Variants in HYDIN observed in about 807,000 individuals in gnomAD.
HYDIN encodes axonemal central pair apparatus protein HYDIN.
A neutral mutation model predicts 403.9 loss-of-function variants in HYDIN; 132 were observed. The observed-to-expected ratio is 0.33, with a 90% CI of 0.28 to 0.38. HYDIN has a LOEUF of 0.38. HYDIN is among the 10% of genes least tolerant of loss of function. The pLI is 1.00. For missense variants in HYDIN, 2,827 were observed against 5,009.5 expected (o/e 0.56, Z 13.15); for synonymous variants, 1,202 against 1,891.7 (o/e 0.64, Z 9.46).
rs974774499 is a variant in HYDIN, at chr16:70,803,837, C to T, written c.*3743G>A. On this transcript the variant is annotated 3_prime_UTR_variant, in exon 86 of 86. Transcript: ENST00000393567. ...AAGTGGTTAGACTTAGCATGCCACA[C>T]TCACTGGGGGCCCAGTGTGGAACGA... Among the ~76,000 whole-genome samples, 3 of 152,212 alleles carry T rather than the reference C, an allele frequency of 2.0e-5. No homozygotes were observed. The highest frequency in any genetic ancestry group is 6.5e-5 in the Admixed American group (1 of 15,288).
At chr16:70,888,989 TG>T (rs2041318713) in intron 58 of HYDIN, among the ~76,000 whole-genome samples, 1 of 152,118 alleles carries the variant, frequency 6.6e-6, no homozygotes, top group African/African-American at 2.4e-5. Context: ...AGTAGGCTTC[TG>T]TTGGGGCTTT....
At chr16:70,808,092 C>A (rs746160071) in intron 85 of HYDIN, 30 bp from the exon 86 acceptor site, 6 of 1,571,662 alleles carry the variant, frequency 3.8e-6, no homozygotes, top group African/African-American at 2.7e-5. Flanking sequence ...ACTCAGCTCA[C>A]GTGAGATCCT....
rs1044949065 is a variant in HYDIN at position 70,969,756 on chromosome 16, A to G, written c.5619+764T>C. ...TTTTCTCTTTCCTCTGGGGTCTTCA[A>G]ATGTATGTTTGACAGTTGAAACAAT... On this transcript the variant is annotated intron_variant, in intron 36 of 85. Coordinates refer to ENST00000393567, the MANE Select transcript of HYDIN (RefSeq NM_001270974.2). Among the ~76,000 whole-genome samples, 16 of 151,952 alleles carry G rather than the reference A, an allele frequency of 1.1e-4. 1 individual carries two copies. The highest frequency in any genetic ancestry group is 3.6e-4 in the African/African-American group (15 of 41,374).
intron 1 of HYDIN, among the ~76,000 whole-genome samples, chr16:71,219,984 G>A (rs778034602): frequency 5.6e-4 from 86 of 152,258 alleles, no homozygotes; most frequent in Admixed American, 1.6e-3. Context: ...GGTCCATTGC[G>A]TTCTGAAATG....
intron 85 of HYDIN, 89 bp downstream of exon 85, chr16:70,809,694 A>T: frequency 9.5e-7 from 1 of 1,048,724 alleles, no homozygotes; most frequent in Non-Finnish European, 1.5e-6. Context: ...TCTGAGTCTC[A>T]CATTCATGCT....
At position 70,804,028 on chromosome 16, in the gene HYDIN, G is replaced by T. The variant is rs547653192; in HGVS notation, c.*3552C>A. 6.6e-6 allele frequency among the ~76,000 whole-genome samples: 1 copy of T among 152,330 alleles called. No homozygotes were observed. Among genetic ancestry groups the T allele is most frequent in the African/African-American group, 2.4e-5 (1 of 41,580 alleles). On this transcript the variant is annotated 3_prime_UTR_variant, in exon 86 of 86. Coordinates refer to ENST00000393567, the MANE Select transcript of HYDIN (RefSeq NM_001270974.2). ...ACTTCCACAAGCATGTGTTGGAAGG[G>T]TTATTTTCATCAAGCCTGCTGTTAA... is the stretch of plus-strand genomic sequence containing the variant.
At chr16:71,197,067 C>G (rs2087730907) in intron 1 of HYDIN, among the ~76,000 whole-genome samples, 1 of 152,052 alleles carries the variant, frequency 6.6e-6, no homozygotes, top group East Asian at 1.9e-4. Flanking sequence ...GTGTGAAATC[C>G]AAGAACCCTC....
chr16:71,053,393 C>A (rs1008387887), intron 18 of HYDIN, among the ~76,000 whole-genome samples: 1 of 152,226 alleles, frequency 6.6e-6, no homozygotes, highest in Non-Finnish European at 1.5e-5. Context: ...ATTCTGTTCA[C>A]TGCAGCATTG....
chr16:70,862,451 G>T (rs534701729), intron 68 of HYDIN, among the ~76,000 whole-genome samples, 196 bp from the exon 69 acceptor site: 1 of 113,088 alleles, frequency 8.8e-6, no homozygotes, highest in Non-Finnish European at 1.8e-5. Flanking sequence ...CATGAAAAAT[G>T]TTTCTATTTA....
intron 1 of HYDIN, among the ~76,000 whole-genome samples, chr16:71,212,661 G>C (rs1427043674): frequency 6.6e-6 from 1 of 151,982 alleles, no homozygotes; most frequent in East Asian, 1.9e-4. Flanking sequence ...AGTACATGGA[G>C]GGACAAAAAG....
At chr16:71,174,629 G>C (rs1370052741) in intron 5 of HYDIN, among the ~76,000 whole-genome samples, 3 of 151,922 alleles carry the variant, frequency 2.0e-5, no homozygotes, top group African/African-American at 7.3e-5. Flanking sequence ...CTGGAGAAGG[G>C]GTGGGGAGGA....
intron 39 of HYDIN, chr16:70,959,379 G>A (rs1215114986): frequency 1.5e-5 from 3 of 196,370 alleles, no homozygotes; most frequent in African/African-American, 7.3e-5. Context: ...TTATATAAAT[G>A]TTCTCATTAA....
intron 42 of HYDIN, 151 bp from the exon 43 acceptor site, chr16:70,941,970 A>G: frequency 2.4e-6 from 1 of 419,286 alleles, no homozygotes; most frequent in East Asian, 3.6e-5. Flanking sequence ...AGGTGCTGTC[A>G]TAAAATAAAA....
At chr16:71,156,289 T>C (rs2085764407) in intron 6 of HYDIN, among the ~76,000 whole-genome samples, 1 of 152,218 alleles carries the variant, frequency 6.6e-6, no homozygotes, top group Non-Finnish European at 1.5e-5. Context: ...TCAGTAGTTA[T>C]AATCACCTGG....
rs897264616 is a variant in HYDIN, at chr16:70,807,163, T to C, written c.*417A>G. On this transcript the variant is annotated 3_prime_UTR_variant, in exon 86 of 86. Coordinates refer to ENST00000393567, the MANE Select transcript of HYDIN (RefSeq NM_001270974.2). Reference sequence around the variant, plus strand: ...ATAAAATGCCACATCAAAATAGTCATGTCTAAGGGCTTTTTAAACCATTTT... The same window carrying C: ...ATAAAATGCCACATCAAAATAGTCACGTCTAAGGGCTTTTTAAACCATTTT... 5.9e-5 allele frequency among the ~76,000 whole-genome samples: 9 copies of C among 152,220 alleles called. No homozygotes were observed. Among genetic ancestry groups the C allele is most frequent in the African/African-American group, 1.9e-4 (8 of 41,472 alleles).
At chr16:71,220,063 T>A (rs989229759) in intron 1 of HYDIN, among the ~76,000 whole-genome samples, 1 of 152,170 alleles carries the variant, frequency 6.6e-6, no homozygotes, top group South Asian at 2.1e-4. Context: ...ATGATGGCTA[T>A]GAACACTATC....
chr16:71,230,292 T>A (rs976333026), intron 1 of HYDIN, among the ~76,000 whole-genome samples: 1 of 152,214 alleles, frequency 6.6e-6, no homozygotes, highest in African/African-American at 2.4e-5. Flanking sequence ...GGCCTGGGGC[T>A]AATTCCAAGT....
chr16:71,116,416 T>C (rs1307902457), intron 9 of HYDIN, among the ~76,000 whole-genome samples: 1 of 152,246 alleles, frequency 6.6e-6, no homozygotes, highest in East Asian at 1.9e-4. Context: ...CACACTTCTT[T>C]TTTCATTCTT....
At chr16:71,158,249 C>G (rs1217753915) in intron 6 of HYDIN, among the ~76,000 whole-genome samples, 2 of 152,210 alleles carry the variant, frequency 1.3e-5, no homozygotes, top group Admixed American at 1.3e-4. Flanking sequence ...TTTAACTCCT[C>G]AGGCTTTACT....
Sources: allele counts gnomAD v4.1 joint callset (sites outside exome capture counted in the v4.1 genomes callset), GRCh38; gene constraint gnomAD v4.1.1; transcripts MANE v1.5; gene names NCBI Gene and HGNC (gene_info 2026-07-23, HGNC 2026-07-21).